PRKCSH: variants seen among roughly 807,000 people sequenced by gnomAD.
PRKCSH encodes PRKCSH beta subunit of glucosidase II, also known as glucosidase 2 subunit beta.
Under a neutral mutation model 79.7 loss-of-function variants are expected in PRKCSH, and 42 were observed. That is an observed-to-expected ratio of 0.53 (90% CI 0.41 to 0.68). The LOEUF is 0.68. Ranked by LOEUF, PRKCSH falls within the 30% of genes least tolerant of loss-of-function variation. PRKCSH has a pLI of 0.00. For synonymous variants in PRKCSH, 325 were observed against 288.2 expected, an observed-to-expected ratio of 1.13 and a Z score of -1.29; for missense variants, 686 against 709.0, an observed-to-expected ratio of 0.97 and a Z score of 0.37.
At position 11,444,465 on chromosome 19, in the gene PRKCSH, G is replaced by C. The variant is rs144527964; in HGVS notation, c.599-924G>C. Among the ~76,000 whole-genome samples the C allele has an allele frequency of 2.1e-3, 316 of 152,332 alleles. 1 individual carries two copies. Among genetic ancestry groups the C allele is most frequent in the African/African-American group, 7.2e-3 (301 of 41,572 alleles). Reference sequence around the variant, plus strand: ...TCAGGGACCCCTCAGGCCCTCATCTGTGAGACTCAGAACAGTGTCAGCCGG... The same window carrying C: ...TCAGGGACCCCTCAGGCCCTCATCTCTGAGACTCAGAACAGTGTCAGCCGG... On this transcript the variant is annotated intron_variant, in intron 7 of 17. Coordinates refer to ENST00000677123, the MANE Select transcript of PRKCSH (RefSeq NM_001289104.2).
chr19:11,436,552 T>C, intron 3 of PRKCSH, 47 bp downstream of exon 3: 3 of 1,427,140 alleles, frequency 2.1e-6, no homozygotes, highest in Non-Finnish European at 2.9e-6. Context: ...TGAACACTGC[T>C]CAGTGCCAGG....
chr19:11,448,437 C>A lies in PRKCSH; in HGVS notation c.1197-103C>A. 1 of 1,449,120 alleles carries A rather than the reference C, an allele frequency of 6.9e-7. No homozygotes were observed. The highest frequency in any genetic ancestry group is 9.6e-7 in the Non-Finnish European group (1 of 1,036,454). The allele number at this position is 1,449,120 out of a possible 1,614,324, so 89.8% of individuals were successfully genotyped here. On this transcript the variant is annotated intron_variant, in intron 13 of 17. Coordinates refer to ENST00000677123, the MANE Select transcript of PRKCSH (RefSeq NM_001289104.2). This position sits in a 1 kb window ranked among gnomAD's most constrained non-coding sequence, Gnocchi z 4.4. ...GGTCCCTGGGAGGTGGCAGGGAGGA[C>A]AGCCTGGGCACCATTGCTCAGCCAG...
rs1970498237 is a variant in PRKCSH, at chr19:11,449,606, G to A, written c.*16+178G>A. On this transcript the variant is annotated intron_variant, in intron 17 of 17. Transcript: ENST00000677123. The surrounding 1 kb of genome is among the most constrained non-coding windows in gnomAD (Gnocchi z 6.4). ...GGCCCAGGCTGGAGTGCAGTGATGC[G>A]ACCTCAGCTGACTGCAACCTCTACC... 7 of 745,708 alleles carry A rather than the reference G, an allele frequency of 9.4e-6. No homozygotes were observed. Among genetic ancestry groups the A allele is most frequent in the Non-Finnish European group, 8.6e-6 (4 of 464,384 alleles). The allele number at this position is 745,708 out of a possible 1,614,324, so 46.2% of individuals were successfully genotyped here. A position where few individuals can be genotyped will look rare whatever the true frequency, so the allele number is the denominator to read the frequency against.
chr19:11,447,054 A>G lies in PRKCSH; in HGVS notation c.763-20A>G. 1 of 1,612,236 alleles carries G rather than the reference A, an allele frequency of 6.2e-7. No homozygotes were observed. Among genetic ancestry groups the G allele is most frequent in the Non-Finnish European group, 8.5e-7 (1 of 1,178,364 alleles). ...GACACGTGGTGGCCTAGATCTTGAC[A>G]CCACCCCCAACACACACAGGCCCTC... On this transcript the variant is annotated intron_variant, in intron 9 of 17. Transcript: ENST00000677123. This position sits in a 1 kb window ranked among gnomAD's most constrained non-coding sequence, Gnocchi z 5.6.
intron 6 of PRKCSH, among the ~76,000 whole-genome samples, 171 bp downstream of exon 6, chr19:11,441,528 TATA>T (rs1278187304): frequency 1.3e-5 from 2 of 152,086 alleles, no homozygotes; most frequent in African/African-American, 4.8e-5. Flanking sequence ...ATTGGCTAAG[TATA>T]ATAGTTCCCG....
Position 11,447,912 on chromosome 19 carries a change from T to TACTGGGG in PRKCSH, c.1126+123_1126+124insACTGGGG. The stretch of plus-strand genomic sequence containing the variant: ...GACTCGGCCAGCACAAGCCCCAGTA[T>TACTGGGG]CTTGGGGAGTCCAGGAAGGGGGCCT... On this transcript the variant is annotated intron_variant, in intron 12 of 17. Transcript: ENST00000677123. This position sits in a 1 kb window ranked among gnomAD's most constrained non-coding sequence, Gnocchi z 5.6. 8.3e-7 allele frequency: 1 copy of TACTGGGG among 1,197,804 alleles called. No individual in the cohort carries two copies. The highest frequency in any genetic ancestry group is 1.1e-6 in the Non-Finnish European group (1 of 870,624). The allele number at this position is 1,197,804 out of a possible 1,614,324, so 74.2% of individuals were successfully genotyped here. A position where few individuals can be genotyped will look rare whatever the true frequency, so the allele number is the denominator to read the frequency against.
At chr19:11,437,643 G>A (rs1969837748) in intron 3 of PRKCSH, among the ~76,000 whole-genome samples, 1 of 152,208 alleles carries the variant, frequency 6.6e-6, no homozygotes, top group African/African-American at 2.4e-5. Context: ...GTGAGCCCCC[G>A]TGCCAGGTGG....
Position 11,447,270 on chromosome 19 carries a change from G to T in PRKCSH, c.849+110G>T. 7.1e-7 allele frequency: 1 copy of T among 1,410,196 alleles called. No homozygotes were observed. The highest frequency in any genetic ancestry group is 9.8e-7 in the Non-Finnish European group (1 of 1,017,326). 87.4% of individuals were successfully genotyped at this position (1,410,196 alleles called of 1,614,324 possible). A position where few individuals can be genotyped will look rare whatever the true frequency, so the allele number is the denominator to read the frequency against. On this transcript the variant is annotated intron_variant, in intron 10 of 17. Coordinates refer to ENST00000677123, the MANE Select transcript of PRKCSH (RefSeq NM_001289104.2). This position sits in a 1 kb window ranked among gnomAD's most constrained non-coding sequence, Gnocchi z 5.6. ...GCACCTGGCCACCCTGGCCAGCTGGGTGGCCCCAGCACCCCCCACCGAGAC... is the reference window on the plus strand; with the variant it reads ...GCACCTGGCCACCCTGGCCAGCTGGTTGGCCCCAGCACCCCCCACCGAGAC...
intron 5 of PRKCSH, among the ~76,000 whole-genome samples, chr19:11,438,484 C>T (rs1219270149): frequency 6.6e-6 from 1 of 151,998 alleles, no homozygotes; most frequent in Non-Finnish European, 1.5e-5. Flanking sequence ...AGGCCAGGCG[C>T]GGTGGCTCAC....
intron 4 of PRKCSH, 38 bp downstream of exon 4, chr19:11,438,009 G>C (rs763654452): frequency 6.2e-7 from 1 of 1,608,802 alleles, no homozygotes; most frequent in Admixed American, 1.7e-5. Flanking sequence ...AAAGGTGGTA[G>C]AGGGAGGGAG....
intron 5 of PRKCSH, among the ~76,000 whole-genome samples, chr19:11,438,798 C>G (rs917477173): frequency 2.0e-5 from 3 of 151,196 alleles, no homozygotes; most frequent in Admixed American, 2.0e-4. Context: ...AGAAGGAGGC[C>G]AAGTATGAGG....
At chr19:11,435,810 TC>T (rs1462328503) in intron 1 of PRKCSH, 104 bp downstream of exon 1, 2 of 1,405,702 alleles carry the variant, frequency 1.4e-6, no homozygotes, top group Non-Finnish European at 1.9e-6. Flanking sequence ...ATCCCTTTGG[TC>T]TGTTGGCGGG....
rs1425794706 is a variant in PRKCSH at position 11,437,953 on chromosome 19, G to C, written c.274G>C (p.Val92Leu). The change falls in exon 4 of 18, where the codon GTC becomes CTC. Residue 92 changes from valine (V) to leucine (L), a missense_variant. Transcript: ENST00000677123. ...GCCCCTGTATATCCCCTCCAACCGG[G>C]TCAACGATGGTGTTTGTGGTAAGTG... is the stretch of plus-strand genomic sequence containing the variant. ...YKPLYIPSNR[V>L]NDGVCDCCDG... 2 of 1,614,126 alleles carry C rather than the reference G, an allele frequency of 1.2e-6. No individual in the cohort carries two copies. The highest frequency in any genetic ancestry group is 1.7e-5 in the Admixed American group (1 of 60,008).
At chr19:11,439,863 C>T (rs1330607908) in intron 5 of PRKCSH, among the ~76,000 whole-genome samples, 1 of 151,570 alleles carries the variant, frequency 6.6e-6, no homozygotes, top group African/African-American at 2.4e-5. Context: ...TCATGATCCA[C>T]CTGCCTTGGC....
intron 7 of PRKCSH, among the ~76,000 whole-genome samples, chr19:11,444,021 T>C (rs1434853914): frequency 6.6e-6 from 1 of 152,162 alleles, no homozygotes; most frequent in African/African-American, 2.4e-5. Context: ...GGTGGCCTGC[T>C]TTGGCCTCCC....
In PRKCSH at chr19:11,448,817, C is replaced by A; in HGVS notation, c.1287-97C>A. On this transcript the variant is annotated intron_variant, in intron 14 of 17. Transcript: ENST00000677123. This position sits in a 1 kb window ranked among gnomAD's most constrained non-coding sequence, Gnocchi z 4.4. ...GGGTTGGTCATTGGAGTTGGAGGTA[C>A]CCTGTGTGTGGGGACTGGAGGAGGC... is the stretch of plus-strand genomic sequence containing the variant. 6.7e-7 allele frequency: 1 copy of A among 1,483,214 alleles called. No homozygotes were observed. The highest frequency in any genetic ancestry group is 9.4e-7 in the Non-Finnish European group (1 of 1,062,604). The allele number at this position is 1,483,214 out of a possible 1,614,324, so 91.9% of individuals were successfully genotyped here. A position where few individuals can be genotyped will look rare whatever the true frequency, so the allele number is the denominator to read the frequency against.
intron 5 of PRKCSH, chr19:11,440,995 G>A (rs1970037893): frequency 2.1e-6 from 1 of 473,116 alleles, no homozygotes; most frequent in African/African-American, 2.0e-5. Context: ...TTGATATCTA[G>A]CTCCACCTCC....
At chr19:11,440,272 C>T (rs1284573783) in intron 5 of PRKCSH, among the ~76,000 whole-genome samples, 5 of 151,450 alleles carry the variant, frequency 3.3e-5, no homozygotes, top group African/African-American at 9.7e-5. Context: ...CTCAGCCTCC[C>T]GAGTAGCTGG....
At position 11,449,191 on chromosome 19, in the gene PRKCSH, G is replaced by C; in HGVS notation, c.1461+16G>C. 2 of 1,613,698 alleles carry C rather than the reference G, an allele frequency of 1.2e-6. No homozygotes were observed. The highest frequency in any genetic ancestry group is 2.2e-5 in the South Asian group (2 of 91,078). ...CTCCACCACCGTGAGTGCCTGCAAG[G>C]CAGGGGAGCTGGGGCGGGGAGACCC... On this transcript the variant is annotated intron_variant, in intron 16 of 17. Transcript: ENST00000677123. This position sits in a 1 kb window ranked among gnomAD's most constrained non-coding sequence, Gnocchi z 6.4.
Sources: gnomAD v4.1 joint callset for allele counts (sites outside exome capture counted in the v4.1 genomes callset) on GRCh38, gnomAD v4.1.1 for gene constraint, Gnocchi (gnomAD v3.1) non-coding constraint, MANE v1.5 for transcripts, NCBI Gene and HGNC (gene_info 2026-07-23, HGNC 2026-07-21) for gene names.